The following SMAP1 variants were observed in gnomAD, a reference collection of about 807,000 sequenced individuals.
SMAP1 encodes small ArfGAP 1.
SMAP1 carries 24 observed loss-of-function variants against 58.5 expected under a neutral mutation model. The ratio of observed to expected loss-of-function variants is 0.41; its 90% CI spans 0.30 to 0.58. The LOEUF (loss-of-function observed/expected upper bound fraction) is 0.58. SMAP1 is among the 20% of genes least tolerant of loss of function. The pLI is 0.29. For synonymous variants in SMAP1, 216 were observed against 196.6 expected, an observed-to-expected ratio of 1.10 and a Z score of -0.82; for missense variants, 563 against 566.3, an observed-to-expected ratio of 0.99 and a Z score of 0.06.
intron 1 of SMAP1, among the ~76,000 whole-genome samples, chr6:70,698,548 T>C (rs1461410250): frequency 2.6e-5 from 4 of 152,200 alleles, no homozygotes; most frequent in African/African-American, 9.7e-5. Context: ...GACTGTTTTC[T>C]AGATTTCGTA....
rs1020689988 is a variant in SMAP1, at chr6:70,854,212, C to A, written c.789+1548C>A. On this transcript the variant is annotated intron_variant, in intron 8 of 10. Transcript: ENST00000370455. The stretch of plus-strand genomic sequence containing the variant: ...ATTTTTAAAATCATATCTAATACTT[C>A]TTTTGGAACACTGTTATGTTGAGCA... Among the ~76,000 whole-genome samples the A allele has an allele frequency of 4.6e-5, 7 of 152,196 alleles. No individual in the cohort carries two copies. In the East Asian group the frequency reaches 1.2e-3, roughly 25 times the overall value.
intron 6 of SMAP1, among the ~76,000 whole-genome samples, chr6:70,818,937 T>C (rs191970283): frequency 1.4e-4 from 22 of 152,280 alleles, no homozygotes; most frequent in African/African-American, 5.3e-4. Context: ...TTCTCTTATA[T>C]CAGCAGTTGC....
intron 3 of SMAP1, among the ~76,000 whole-genome samples, chr6:70,760,554 C>A (rs1041128186): frequency 3.9e-5 from 6 of 152,000 alleles, no homozygotes; most frequent in African/African-American, 1.4e-4. Flanking sequence ...TTATGAAACA[C>A]TGTAATTTGG....
intron 1 of SMAP1, among the ~76,000 whole-genome samples, chr6:70,720,431 G>C (rs569858194): frequency 6.6e-6 from 1 of 152,288 alleles, no homozygotes; most frequent in Non-Finnish European, 1.5e-5. Flanking sequence ...CATAGTGCAG[G>C]CTGTTAGTGG....
At chr6:70,786,166 G>A (rs1001686016) in intron 4 of SMAP1, among the ~76,000 whole-genome samples, 2 of 151,472 alleles carry the variant, frequency 1.3e-5, no homozygotes, top group African/African-American at 2.4e-5. Flanking sequence ...ATCAATAAAT[G>A]TAATCCAGCA....
At position 70,858,053 on chromosome 6, in the gene SMAP1, A is replaced by G; in HGVS notation, c.1093A>G (p.Ser365Gly). ...AGGAAATGTGATGGGACAGAGTCCA[A>G]GCATGATGGTGGGCATGCCCATGCC... ...LIGNVMGQSP[S>G]MMVGMPMPNG... Residue 365 changes from serine to glycine, a missense_variant, in exon 10 of 11, where the codon AGC becomes GGC. This residue lies in a region of SMAP1 where 494 missense variants were observed against 473.8 expected (regional missense o/e 1.04). Coordinates refer to ENST00000370455, the MANE Select transcript of SMAP1 (RefSeq NM_001044305.3). 6.2e-7 allele frequency: 1 copy of G among 1,614,098 alleles called. No individual in the cohort carries two copies. The highest frequency in any genetic ancestry group is 8.5e-7 in the Non-Finnish European group (1 of 1,179,988).
intron 4 of SMAP1, among the ~76,000 whole-genome samples, chr6:70,785,660 A>G (rs1272820762): frequency 6.6e-6 from 1 of 152,244 alleles, no homozygotes; most frequent in African/African-American, 2.4e-5. Flanking sequence ...ACCATCAGAG[A>G]ATACGACAAA....
chr6:70,671,797 G>A (rs112340497), intron 1 of SMAP1, among the ~76,000 whole-genome samples: 3 of 152,192 alleles, frequency 2.0e-5, no homozygotes, highest in African/African-American at 7.2e-5. Flanking sequence ...AGCATGTGTC[G>A]GTACCTCACT....
intron 1 of SMAP1, among the ~76,000 whole-genome samples, chr6:70,690,688 TTA>T (rs111848722): frequency 0.014 from 1,940 of 136,528 alleles, 51 homozygotes; most frequent in African/African-American, 0.045. Context: ...GATGTATCTT[TTA>T]TATATATATA....
intron 4 of SMAP1, among the ~76,000 whole-genome samples, chr6:70,785,886 G>C (rs1768000201): frequency 6.6e-6 from 1 of 152,144 alleles, no homozygotes; most frequent in Non-Finnish European, 1.5e-5. Context: ...AGGAGGAGCT[G>C]GTACCATTCC....
intron 6 of SMAP1, among the ~76,000 whole-genome samples, chr6:70,833,749 G>A (rs940887533): frequency 5.3e-5 from 8 of 152,096 alleles, no homozygotes; most frequent in African/African-American, 1.7e-4. Flanking sequence ...TTTCTTTTAT[G>A]CAGTCAGTGT....
At chr6:70,849,141 T>C (rs1313610389) in intron 7 of SMAP1, among the ~76,000 whole-genome samples, 2 of 152,130 alleles carry the variant, frequency 1.3e-5, no homozygotes, top group Non-Finnish European at 2.9e-5. Context: ...AAAATCTTGG[T>C]GAGGCCTGGC....
intron 4 of SMAP1, among the ~76,000 whole-genome samples, chr6:70,787,602 G>A (rs1249033988): frequency 9.2e-5 from 14 of 151,608 alleles, no homozygotes; most frequent in Middle Eastern, 3.2e-3. Context: ...CAAATTTACA[G>A]GAAAAAAACA....
At chr6:70,779,789 A>G (rs901485988) in intron 4 of SMAP1, among the ~76,000 whole-genome samples, 2 of 152,176 alleles carry the variant, frequency 1.3e-5, no homozygotes, top group Admixed American at 6.5e-5. Flanking sequence ...TGTGTGCTCC[A>G]TTTGAGAATG....
At chr6:70,730,651 C>T (rs1765393457) in intron 1 of SMAP1, among the ~76,000 whole-genome samples, 1 of 152,062 alleles carries the variant, frequency 6.6e-6, no homozygotes, top group African/African-American at 2.4e-5. Context: ...TAATCTTCCT[C>T]CTGTGTAATT....
At chr6:70,718,934 C>CTT (rs777305914) in intron 1 of SMAP1, among the ~76,000 whole-genome samples, 54 of 150,764 alleles carry the variant, frequency 3.6e-4, no homozygotes, top group Non-Finnish European at 7.1e-4. Flanking sequence ...TGACAAGTAT[C>CTT]TAATAATTAA....
chr6:70,755,391 T>A (rs1372243686), intron 3 of SMAP1, among the ~76,000 whole-genome samples: 4 of 152,078 alleles, frequency 2.6e-5, no homozygotes, highest in African/African-American at 9.7e-5. Flanking sequence ...GTAGAAACTG[T>A]ACTTTGAGTA....
chr6:70,773,807 A>G (rs1767432432), intron 4 of SMAP1, among the ~76,000 whole-genome samples: 1 of 152,190 alleles, frequency 6.6e-6, no homozygotes, highest in African/African-American at 2.4e-5. Flanking sequence ...CCATTGAGAA[A>G]TGAAACCAGT....
At chr6:70,817,969 A>T (rs1238679774) in intron 6 of SMAP1, among the ~76,000 whole-genome samples, 1 of 152,216 alleles carries the variant, frequency 6.6e-6, no homozygotes, top group Non-Finnish European at 1.5e-5. Flanking sequence ...AAAATAGCCA[A>T]CAATGACCTT....
Sources: allele counts gnomAD v4.1 joint callset (sites outside exome capture counted in the v4.1 genomes callset), GRCh38; gene constraint gnomAD v4.1.1; regional missense constraint gnomAD v4.1.1; transcripts MANE v1.5; gene names NCBI Gene and HGNC (gene_info 2026-07-23, HGNC 2026-07-21).